The following ERICH6B variants were observed in gnomAD, a reference collection of about 807,000 sequenced individuals.
The protein encoded by ERICH6B is glutamate-rich protein 6B.
In ERICH6B, 69 loss-of-function variants were observed where a neutral mutation model predicts 80.0. The observed-to-expected ratio is 0.86, with a 90% CI of 0.71 to 1.05. The LOEUF (loss-of-function observed/expected upper bound fraction) is 1.05, where lower values mean the gene tolerates loss of function less well. Ranked by LOEUF, ERICH6B falls within the 50% of genes least tolerant of loss-of-function variation. The pLI, the probability that ERICH6B is intolerant of heterozygous loss-of-function variation, is 0.00. For missense variants in ERICH6B, 754 were observed against 796.1 expected (o/e 0.95, Z 0.64); for synonymous variants, 283 against 291.9 (o/e 0.97, Z 0.31).
At position 45,604,250 on chromosome 13, in the gene ERICH6B, C is replaced by T. The variant is rs146243865; in HGVS notation, c.-59+3314G>A. The stretch of plus-strand genomic sequence containing the variant: ...TCCTGCCCCTCTAACCAGGACGTTA[C>T]ATTTTCTTTGGCTCATCCAAATAAT... On this transcript the variant is annotated intron_variant, in intron 2 of 14. Coordinates refer to ENST00000298738, the MANE Select transcript of ERICH6B (RefSeq NM_182542.3). 2.7e-3 allele frequency among the ~76,000 whole-genome samples: 418 copies of T among 152,386 alleles called. 1 individual carries two copies. Among genetic ancestry groups the T allele is most frequent in the Non-Finnish European group, 2.8e-3 (190 of 68,038 alleles).
chr13:45,580,054 A>T (rs1875591975), intron 6 of ERICH6B, 80 bp from the exon 7 acceptor site: 1 of 1,185,654 alleles, frequency 8.4e-7, no homozygotes, highest in Non-Finnish European at 1.2e-6. Flanking sequence ...TATGGAATCA[A>T]TTTAAAAATC....
intron 2 of ERICH6B, among the ~76,000 whole-genome samples, chr13:45,599,095 G>C (rs1348248646): frequency 6.6e-6 from 1 of 152,186 alleles, no homozygotes; most frequent in African/African-American, 2.4e-5. Context: ...TCAGCAGTTT[G>C]CATTTTAGAG....
At chr13:45,555,487 A>C (rs1012151031) in intron 11 of ERICH6B, 1 of 152,096 alleles carries the variant, frequency 6.6e-6, no homozygotes, top group African/African-American at 2.4e-5. Context: ...TTGAGGCCAC[A>C]CTCATGATGT....
At chr13:45,585,876 C>T (rs1875878275) in intron 5 of ERICH6B, among the ~76,000 whole-genome samples, 1 of 152,152 alleles carries the variant, frequency 6.6e-6, no homozygotes, top group Admixed American at 6.5e-5. Flanking sequence ...CAATGGGGCC[C>T]CTCTCGGGGC....
intron 8 of ERICH6B, among the ~76,000 whole-genome samples, chr13:45,574,492 T>C (rs1033132769): frequency 6.6e-6 from 1 of 152,148 alleles, no homozygotes; most frequent in African/African-American, 2.4e-5. Context: ...GTTCTGTGTC[T>C]CTCTGCAGGG....
chr13:45,559,155 T>C (rs985348905), intron 11 of ERICH6B, among the ~76,000 whole-genome samples: 1 of 152,230 alleles, frequency 6.6e-6, no homozygotes, highest in Admixed American at 6.5e-5. Context: ...GCCAGGAATT[T>C]GTCTGTCTCC....
intron 14 of ERICH6B, 56 bp downstream of exon 14, chr13:45,544,704 C>A: frequency 6.8e-7 from 1 of 1,471,266 alleles, no homozygotes; most frequent in Non-Finnish European, 9.3e-7. Context: ...CCAGCAGTGG[C>A]CTTTGTACAG....
chr13:45,608,628 G>T (rs1337709996), intron 1 of ERICH6B, among the ~76,000 whole-genome samples: 1 of 152,094 alleles, frequency 6.6e-6, no homozygotes, highest in African/African-American at 2.4e-5. Flanking sequence ...TCTCCACTAA[G>T]AACCTAAAAA....
chr13:45,556,873 T>G (rs1874464988), intron 11 of ERICH6B, among the ~76,000 whole-genome samples: 1 of 152,192 alleles, frequency 6.6e-6, no homozygotes, highest in Non-Finnish European at 1.5e-5. Flanking sequence ...TTTTTGCGAT[T>G]GTGAATTGTG....
In ERICH6B at chr13:45,554,753, C is replaced by T. The variant is rs376489283; in HGVS notation, c.1408-4437G>A. 1.8e-4 allele frequency among the ~76,000 whole-genome samples: 28 copies of T among 152,328 alleles called. No individual in the cohort carries two copies. In the South Asian group the frequency reaches 5.2e-3, roughly 28 times the overall value. ...CAGAGTAAAGAGACTGTGTCTCTGG[C>T]CTGTCCTGCAGGCGGGACCCCGAGC... On this transcript the variant is annotated intron_variant, in intron 11 of 14. Transcript: ENST00000298738.
chr13:45,563,260 A>G (rs1435868869), intron 10 of ERICH6B, among the ~76,000 whole-genome samples: 1 of 152,124 alleles, frequency 6.6e-6, no homozygotes, highest in Non-Finnish European at 1.5e-5. Context: ...GTGTGGTCCC[A>G]CAGTGTCCCC....
chr13:45,568,545 A>T, intron 8 of ERICH6B, 94 bp from the exon 9 acceptor site: 1 of 1,185,046 alleles, frequency 8.4e-7, no homozygotes. Flanking sequence ...ACTGTGTGAC[A>T]CTTCAACATA....
At chr13:45,606,499 GTATGTGTATA>G (rs60182063) in intron 2 of ERICH6B, among the ~76,000 whole-genome samples, 1,067 of 40,444 alleles carry the variant, frequency 0.026, 85 homozygotes, top group Middle Eastern at 0.047. Flanking sequence ...TCCCAAAAGT[GTATGTGTATA>G]TATATATATA....
chr13:45,545,850 C>T (rs953154705), intron 13 of ERICH6B, among the ~76,000 whole-genome samples: 1 of 152,206 alleles, frequency 6.6e-6, no homozygotes, highest in African/African-American at 2.4e-5. Flanking sequence ...GCACACTGGG[C>T]ATGTGCAAAT....
In ERICH6B at chr13:45,596,602, T is replaced by TCCAGATACCCTTCCTTCC; in HGVS notation, c.403_404insGGAAGGAAGGGTATCTGG (p.Leu134_Glu135insGlyLysGluGlyTyrLeu). 2.1e-6 allele frequency: 1 copy of TCCAGATACCCTTCCTTCC among 465,316 alleles called. No homozygotes were observed. The highest frequency in any genetic ancestry group is 3.3e-5 in the East Asian group (1 of 30,270). The allele number at this position is 465,316 out of a possible 1,614,324, so 28.8% of individuals were successfully genotyped here. Reference sequence around the variant, plus strand: ...TTCCTTCCCCAGATACTCTTCCTCCTCCAGATGCTCTTCCTTCCCCAGGTA... The same window carrying TCCAGATACCCTTCCTTCC: ...TTCCTTCCCCAGATACTCTTCCTCCTCCAGATACCCTTCCTTCCCCAGATGCTCTTCCTTCCCCAGGTA... On this transcript the variant is annotated inframe_insertion, in exon 3 of 15. Coordinates refer to ENST00000298738, the MANE Select transcript of ERICH6B (RefSeq NM_182542.3).
chr13:45,544,583 T>A (rs571133313), intron 14 of ERICH6B, among the ~76,000 whole-genome samples, 177 bp downstream of exon 14: 1 of 152,286 alleles, frequency 6.6e-6, no homozygotes, highest in South Asian at 2.1e-4. Context: ...GGGAGACACA[T>A]GAATGTATTT....
Position 45,541,312 on chromosome 13 carries a change from A to G in ERICH6B, c.*150T>C. 1.5e-6 allele frequency: 1 copy of G among 678,502 alleles called. No homozygotes were observed. Among genetic ancestry groups the G allele is most frequent in the Non-Finnish European group, 2.5e-6 (1 of 404,500 alleles). The allele number at this position is 678,502 out of a possible 1,614,324, so 42.0% of individuals were successfully genotyped here. A position where few individuals can be genotyped will look rare whatever the true frequency, so the allele number is the denominator to read the frequency against. On this transcript the variant is annotated 3_prime_UTR_variant, in exon 15 of 15. Coordinates refer to ENST00000298738, the MANE Select transcript of ERICH6B (RefSeq NM_182542.3). The stretch of plus-strand genomic sequence containing the variant: ...GACTCTGTTAGCCCTTCTGCCAAAA[A>G]TGTTTACTTCAAATCAAGGAGCCAC...
In ERICH6B at chr13:45,541,769, C is replaced by T; in HGVS notation, c.1873-89G>A. On this transcript the variant is annotated intron_variant, in intron 14 of 14. Coordinates refer to ENST00000298738, the MANE Select transcript of ERICH6B (RefSeq NM_182542.3). ...AGGCCAGATCTCCTGTGGCCAGGACCAAGCGTTCCCTGAGCCTTCACTCGA... is the reference window on the plus strand; with the variant it reads ...AGGCCAGATCTCCTGTGGCCAGGACTAAGCGTTCCCTGAGCCTTCACTCGA... The T allele has an allele frequency of 2.4e-6, 3 of 1,229,612 alleles. No individual in the cohort carries two copies. In the Admixed American group the frequency reaches 6.3e-5, roughly 26 times the overall value. 76.2% of individuals were successfully genotyped at this position (1,229,612 alleles called of 1,614,324 possible). A position where few individuals can be genotyped will look rare whatever the true frequency, so the allele number is the denominator to read the frequency against.
At chr13:45,580,947 G>A (rs1875631713) in intron 5 of ERICH6B, among the ~76,000 whole-genome samples, 2 of 152,182 alleles carry the variant, frequency 1.3e-5, no homozygotes, top group Admixed American at 6.5e-5. Flanking sequence ...GCTAGTTTTG[G>A]TCCTCAGAAT....
Sources: allele counts gnomAD v4.1 joint callset (sites outside exome capture counted in the v4.1 genomes callset), GRCh38; gene constraint gnomAD v4.1.1; transcripts MANE v1.5; gene names NCBI Gene and HGNC (gene_info 2026-07-23, HGNC 2026-07-21).